KDM4C: variants seen among roughly 807,000 people sequenced by gnomAD.
The protein encoded by KDM4C is lysine-specific demethylase 4C.
Under a neutral mutation model 129.3 loss-of-function variants are expected in KDM4C, and 81 were observed. That is an observed-to-expected ratio of 0.63 (90% CI 0.52 to 0.75). The LOEUF is 0.75. KDM4C is among the 30% of genes least tolerant of loss of function. The probability of loss-of-function intolerance (pLI) is 0.00; values close to 1 mark genes in which losing one functional copy is unlikely to be tolerated. For synonymous variants in KDM4C, 573 were observed against 456.1 expected (o/e 1.26, Z -3.26); for missense variants, 1,457 against 1,304.0 (o/e 1.12, Z -1.81).
At position 7,076,723 on chromosome 9, in the gene KDM4C, A is replaced by T. The variant is rs1001571231; in HGVS notation, c.2425-26962A>T. 16 of 1,211,826 alleles carry T rather than the reference A, an allele frequency of 1.3e-5. No homozygotes were observed. The South Asian group carries it at 1.9e-4, about 15-fold the overall frequency. 75.1% of individuals were successfully genotyped at this position (1,211,826 alleles called of 1,614,324 possible). A position where few individuals can be genotyped will look rare whatever the true frequency, so the allele number is the denominator to read the frequency against. On this transcript the variant is annotated intron_variant, in intron 17 of 21. Coordinates refer to ENST00000381309, the MANE Select transcript of KDM4C (RefSeq NM_015061.6). ...TTTAAATTTCATTTGTTGACTTCCT[A>T]TGTGGGGTAAAATGACTTCCTTTGA...
At chr9:6,955,076 C>T (rs1828834391) in intron 8 of KDM4C, among the ~76,000 whole-genome samples, 1 of 152,158 alleles carries the variant, frequency 6.6e-6, no homozygotes, top group African/African-American at 2.4e-5. Flanking sequence ...CCTTCAGGAA[C>T]AGGTGCATCT....
At chr9:6,988,798 A>G (rs117184096) in intron 11 of KDM4C, among the ~76,000 whole-genome samples, 19 of 150,992 alleles carry the variant, frequency 1.3e-4, no homozygotes, top group Middle Eastern at 3.4e-3. Context: ...CCTCCCCCAG[A>G]TAATCATATG....
chr9:7,080,180 A>G (rs1265288375), intron 17 of KDM4C, among the ~76,000 whole-genome samples: 2 of 152,198 alleles, frequency 1.3e-5, no homozygotes, highest in Non-Finnish European at 1.5e-5. Context: ...TGGTAGGAGC[A>G]CAGCCACAGG....
chr9:7,011,960 T>C lies in KDM4C; in HGVS notation c.1968+81T>C, dbSNP rs1412463104. The C allele has an allele frequency of 3.3e-6, 4 of 1,217,380 alleles. No homozygotes were observed. The African/African-American group carries it at 4.5e-5, about 14-fold the overall frequency. 75.4% of individuals were successfully genotyped at this position (1,217,380 alleles called of 1,614,324 possible). A position where few individuals can be genotyped will look rare whatever the true frequency, so the allele number is the denominator to read the frequency against. On this transcript the variant is annotated intron_variant, in intron 13 of 21. Coordinates refer to ENST00000381309, the MANE Select transcript of KDM4C (RefSeq NM_015061.6). ...ATACCACAAGATCACTGTAAATTGT[T>C]GTGGGCTTCCTTTGCACATAAGAAG...
At chr9:6,925,103 C>T in intron 8 of KDM4C, 8 of 985,346 alleles carry the variant, frequency 8.1e-6, no homozygotes, top group Non-Finnish European at 9.6e-6. Context: ...TAGTACAGAC[C>T]ATGCATTTTT....
chr9:6,974,342 C>T (rs1832560388), intron 8 of KDM4C, among the ~76,000 whole-genome samples: 1 of 152,100 alleles, frequency 6.6e-6, no homozygotes, highest in East Asian at 1.9e-4. Flanking sequence ...CAATATGCAT[C>T]CATGCTATTT....
chr9:6,993,443 T>G (rs1819112913), intron 12 of KDM4C, among the ~76,000 whole-genome samples: 1 of 152,232 alleles, frequency 6.6e-6, no homozygotes, highest in South Asian at 2.1e-4. Flanking sequence ...CCCAGTTGTT[T>G]AAAAATTACG....
chr9:6,990,853 C>T (rs1243603331), intron 12 of KDM4C, among the ~76,000 whole-genome samples: 7 of 152,132 alleles, frequency 4.6e-5, no homozygotes, highest in Non-Finnish European at 5.9e-5. Context: ...AGTTAACGTG[C>T]TGTAGGTTTC....
At chr9:6,986,226 C>T (rs1262126318) in intron 10 of KDM4C, 118 bp from the exon 11 acceptor site, 14 of 644,854 alleles carry the variant, frequency 2.2e-5, no homozygotes, top group Non-Finnish European at 3.7e-5. Flanking sequence ...CATGTATGTG[C>T]ATGCGCATGC....
chr9:7,019,142 A>C (rs763955630), intron 15 of KDM4C, among the ~76,000 whole-genome samples: 6 of 152,192 alleles, frequency 3.9e-5, no homozygotes, highest in Non-Finnish European at 5.9e-5. Flanking sequence ...GACAGTATTG[A>C]TATTCTGACT....
At position 6,758,319 on chromosome 9, in the gene KDM4C, A is replaced by C; in HGVS notation, c.-18+116A>C. ...GGTGCGGGCGTCCGGGCGAGCGGCG[A>C]CGCTGGGGCAGAGACGCTCCGTCCG... On this transcript the variant is annotated intron_variant, in intron 1 of 21. Coordinates refer to ENST00000381309, the MANE Select transcript of KDM4C (RefSeq NM_015061.6). The surrounding 1 kb of genome is among the most constrained non-coding windows in gnomAD (Gnocchi z 4.6). 1.8e-6 allele frequency: 1 copy of C among 547,242 alleles called. No individual in the cohort carries two copies. Among genetic ancestry groups the C allele is most frequent in the Non-Finnish European group, 2.3e-6 (1 of 429,940 alleles). 33.9% of individuals were successfully genotyped at this position (547,242 alleles called of 1,614,324 possible). A position where few individuals can be genotyped will look rare whatever the true frequency, so the allele number is the denominator to read the frequency against.
In KDM4C at chr9:7,101,259, A is replaced by T. The variant is rs994875455; in HGVS notation, c.2425-2426A>T. ...TTGTAACATTCTTAAGTGCACATAG[A>T]TGTCTTTAACCTACTAGATTCCATT... On this transcript the variant is annotated intron_variant, in intron 17 of 21. Coordinates refer to ENST00000381309, the MANE Select transcript of KDM4C (RefSeq NM_015061.6). 3.3e-5 allele frequency among the ~76,000 whole-genome samples: 5 copies of T among 152,138 alleles called. No individual in the cohort carries two copies. In the East Asian group the frequency reaches 7.7e-4, roughly 23 times the overall value.
At chr9:6,737,666 A>G (rs1314941676) in intron 1 of KDM4C, among the ~76,000 whole-genome samples, 3 of 124,004 alleles carry the variant, frequency 2.4e-5, no homozygotes, top group Non-Finnish European at 5.2e-5. Context: ...CTTCATCTCA[A>G]AAAAAAAAAA....
intron 1 of KDM4C, among the ~76,000 whole-genome samples, chr9:6,776,985 T>C (rs926863613): frequency 6.6e-6 from 1 of 152,176 alleles, no homozygotes; most frequent in South Asian, 2.1e-4. Context: ...GCACTTAGGT[T>C]TGTATATTGA....
intron 15 of KDM4C, among the ~76,000 whole-genome samples, chr9:7,026,368 T>G (rs889524607): frequency 1.3e-5 from 2 of 151,288 alleles, no homozygotes; most frequent in South Asian, 2.1e-4. Context: ...AGGGTAAATG[T>G]TTTTTTTTCT....
intron 10 of KDM4C, among the ~76,000 whole-genome samples, chr9:6,985,313 C>A (rs1235029646): frequency 2.6e-5 from 4 of 152,364 alleles, no homozygotes; most frequent in African/African-American, 9.6e-5. Flanking sequence ...TAGTCCTAAA[C>A]TGGTCCTCAG....
intron 19 of KDM4C, among the ~76,000 whole-genome samples, chr9:7,139,107 AC>A (rs1273178694): frequency 2.0e-5 from 3 of 151,996 alleles, no homozygotes; most frequent in African/African-American, 7.2e-5. Flanking sequence ...ACCCATCTCT[AC>A]AAAAAAATTT....
rs1003748493 is a variant in KDM4C at position 6,814,661 on chromosome 9, A to C, written c.351A>C (p.Glu117Asp). The C allele has an allele frequency of 6.2e-7, 1 of 1,606,184 alleles. No homozygotes were observed. Among genetic ancestry groups the C allele is most frequent in the South Asian group, 1.1e-5 (1 of 89,528 alleles). ...KYCTPRYLDY[E>D]DLERKYWKNL... Reference sequence around the variant, plus strand: ...GTACTCCAAGATACTTGGATTACGAAGATTTGGAGCGCAAGTACTGGAAGA... The same window carrying C: ...GTACTCCAAGATACTTGGATTACGACGATTTGGAGCGCAAGTACTGGAAGA... The change falls in exon 4 of 22, where the codon GAA (glutamate) becomes GAC (aspartate). Residue 117 changes from glutamate to aspartate, a missense_variant. Transcript: ENST00000381309.
At chr9:6,861,982 G>T (rs1841020714) in intron 5 of KDM4C, among the ~76,000 whole-genome samples, 1 of 152,024 alleles carries the variant, frequency 6.6e-6, no homozygotes, top group Admixed American at 6.6e-5. Flanking sequence ...GCGTTGGCCA[G>T]GCTGGTCTTG....
Sources: gnomAD v4.1 joint callset for allele counts (sites outside exome capture counted in the v4.1 genomes callset) on GRCh38, gnomAD v4.1.1 for gene constraint, Gnocchi (gnomAD v3.1) non-coding constraint, MANE v1.5 for transcripts, NCBI Gene and HGNC (gene_info 2026-07-23, HGNC 2026-07-21) for gene names.